The following ANTXR1 variants were observed in gnomAD, a reference collection of about 807,000 sequenced individuals.
ANTXR1 encodes ANTXR cell adhesion molecule 1, also known as anthrax toxin receptor 1.
In ANTXR1, 19 loss-of-function variants were observed where a neutral mutation model predicts 78.1. The ratio of observed to expected loss-of-function variants is 0.24; its 90% confidence interval spans 0.17 to 0.36. The LOEUF is 0.36. Among genes scored for constraint, ANTXR1 ranks in the 10% least tolerant of loss-of-function variants. ANTXR1 has a pLI of 1.00. For synonymous variants in ANTXR1, 273 were observed against 260.5 expected (o/e 1.05, Z -0.46); for missense variants, 518 against 718.6 (o/e 0.72, Z 3.19).
intron 17 of ANTXR1, among the ~76,000 whole-genome samples, chr2:69,197,137 C>T (rs1275612495): frequency 1.3e-5 from 2 of 152,204 alleles, no homozygotes; most frequent in Non-Finnish European, 2.9e-5. Flanking sequence ...TCCCATTGTT[C>T]CTTGGAGCCC....
At chr2:69,077,513 C>CTAGA in intron 8 of ANTXR1, 25 bp downstream of exon 8, 1 of 1,612,768 alleles carries the variant, frequency 6.2e-7, no homozygotes, top group Non-Finnish European at 8.5e-7. Flanking sequence ...TCCTCTGAGA[C>CTAGA]TAGACATTCA....
At position 69,013,373 on chromosome 2, in the gene ANTXR1, T is replaced by C; in HGVS notation, c.-127T>C. On this transcript the variant is annotated 5_prime_UTR_variant, in exon 1 of 18. Transcript: ENST00000303714. The surrounding 1 kb of genome is among the most constrained non-coding windows in gnomAD (Gnocchi z 5.0). ...CCTCCAGACAATTGCTTCCGGGGAG[T>C]TGCGAGGGAGCGAGGGGGAATAAAG... 3.0e-6 allele frequency: 4 copies of C among 1,312,052 alleles called. No homozygotes were observed. Among genetic ancestry groups the C allele is most frequent in the Non-Finnish European group, 4.3e-6 (4 of 940,714 alleles). 81.3% of individuals were successfully genotyped at this position (1,312,052 alleles called of 1,614,324 possible).
chr2:69,133,185 C>T (rs1469547674), intron 12 of ANTXR1, among the ~76,000 whole-genome samples: 1 of 152,154 alleles, frequency 6.6e-6, no homozygotes, highest in East Asian at 1.9e-4. Flanking sequence ...TTAGCTCAGT[C>T]CCAAAACTCT....
chr2:69,018,102 A>G (rs6729606), intron 1 of ANTXR1, among the ~76,000 whole-genome samples: 34,214 of 151,846 alleles, frequency 0.23, 6,193 homozygotes, highest in African/African-American at 0.51. Context: ...GTGGTCTGGA[A>G]GGCAGGAGTA....
Position 69,208,292 on chromosome 2 carries a change from C to G in ANTXR1, c.1434+14877C>G, listed in dbSNP as rs1311592581. Among the ~76,000 whole-genome samples the G allele has an allele frequency of 2.6e-5, 4 of 152,178 alleles. No individual in the cohort carries two copies. In the East Asian group the frequency reaches 7.7e-4, roughly 29 times the overall value. On this transcript the variant is annotated intron_variant, in intron 17 of 17. Coordinates refer to ENST00000303714, the MANE Select transcript of ANTXR1 (RefSeq NM_032208.3). ...ATTGTGGCCTCCCTTCTTACCCCCACAAGTAGCAAAAGATGTTTTTAGATC... is the reference window on the plus strand; with the variant it reads ...ATTGTGGCCTCCCTTCTTACCCCCAGAAGTAGCAAAAGATGTTTTTAGATC...
intron 12 of ANTXR1, chr2:69,146,497 G>A (rs1292865353): frequency 1.5e-6 from 1 of 665,394 alleles, no homozygotes; most frequent in African/African-American, 2.0e-5. Context: ...CTTTTTCAAA[G>A]GTTTGTGGTG....
intron 17 of ANTXR1, among the ~76,000 whole-genome samples, chr2:69,206,233 C>A (rs1674897924): frequency 6.6e-6 from 1 of 152,228 alleles, no homozygotes; most frequent in African/African-American, 2.4e-5. Flanking sequence ...TCAATTACTG[C>A]AACACCTATG....
At chr2:69,123,649 G>A (rs1185929064) in intron 11 of ANTXR1, among the ~76,000 whole-genome samples, 1 of 152,158 alleles carries the variant, frequency 6.6e-6, no homozygotes, top group Non-Finnish European at 1.5e-5. Context: ...ACCCAGACCG[G>A]AAAAAATTCC....
At chr2:69,070,567 G>T in intron 3 of ANTXR1, 80 bp from the exon 4 acceptor site, 1 of 1,316,124 alleles carries the variant, frequency 7.6e-7, no homozygotes, top group Non-Finnish European at 1.1e-6. Context: ...ACAGAGGTAA[G>T]AAGAAGACTA....
chr2:69,146,536 G>A (rs1673229975), intron 12 of ANTXR1: 1 of 360,234 alleles, frequency 2.8e-6, no homozygotes, highest in Non-Finnish European at 3.9e-6. Flanking sequence ...CCTGGTAAGG[G>A]CAGGTGGCAC....
chr2:69,146,094 C>T (rs973536844), intron 12 of ANTXR1: 18 of 985,314 alleles, frequency 1.8e-5, no homozygotes, highest in South Asian at 4.7e-5. Context: ...GACACATGCC[C>T]GAATGAAGGA....
chr2:69,216,430 TAC>T lies in ANTXR1; in HGVS notation c.1434+23021_1434+23022del, dbSNP rs369334226. On this transcript the variant is annotated intron_variant, in intron 17 of 17. Coordinates refer to ENST00000303714, the MANE Select transcript of ANTXR1 (RefSeq NM_032208.3). ...ATACACACATGCATATACATACATA[TAC>T]ACACATACATATATGTATATACACA... Among the ~76,000 whole-genome samples the T allele has an allele frequency of 5.1e-3, 781 of 152,224 alleles. 5 individuals carry two copies. The highest frequency in any genetic ancestry group is 0.017 in the African/African-American group (724 of 41,520).
intron 9 of ANTXR1, among the ~76,000 whole-genome samples, chr2:69,096,534 A>G (rs1041982789): frequency 6.6e-6 from 1 of 151,854 alleles, no homozygotes; most frequent in Non-Finnish European, 1.5e-5. Flanking sequence ...AAGGAATCCA[A>G]TCACTGCACT....
intron 17 of ANTXR1, among the ~76,000 whole-genome samples, chr2:69,215,036 C>T (rs1284213549): frequency 6.6e-6 from 1 of 152,174 alleles, no homozygotes; most frequent in Non-Finnish European, 1.5e-5. Flanking sequence ...ACATCTGGTC[C>T]ACAAGAAAGA....
chr2:69,182,273 A>G (rs1674294829), intron 15 of ANTXR1, among the ~76,000 whole-genome samples: 1 of 152,134 alleles, frequency 6.6e-6, no homozygotes. Flanking sequence ...TGCCTGGACA[A>G]TTCCTCCCTA....
intron 10 of ANTXR1, among the ~76,000 whole-genome samples, chr2:69,117,903 T>A (rs755369374): frequency 1.3e-5 from 2 of 152,170 alleles, no homozygotes; most frequent in Non-Finnish European, 2.9e-5. Context: ...GGTATGCAGC[T>A]TGAGGGATGC....
At chr2:69,084,103 A>G (rs1423654143) in intron 8 of ANTXR1, among the ~76,000 whole-genome samples, 1 of 152,130 alleles carries the variant, frequency 6.6e-6, no homozygotes, top group Non-Finnish European at 1.5e-5. Flanking sequence ...CCCTCCTCCT[A>G]TATTGAGGAA....
intron 12 of ANTXR1, among the ~76,000 whole-genome samples, chr2:69,138,653 C>T (rs529921961): frequency 6.6e-5 from 10 of 152,272 alleles, no homozygotes; most frequent in African/African-American, 1.4e-4. Flanking sequence ...CAGCCACAAA[C>T]GATACATAAC....
chr2:69,147,865 C>T (rs1399415920), intron 12 of ANTXR1, among the ~76,000 whole-genome samples: 1 of 152,056 alleles, frequency 6.6e-6, no homozygotes, highest in African/African-American at 2.4e-5. Context: ...GCTGTTTTAC[C>T]GAGGCTCACT....
Sources: allele counts gnomAD v4.1 joint callset (sites outside exome capture counted in the v4.1 genomes callset), GRCh38; gene constraint gnomAD v4.1.1; non-coding constraint Gnocchi (gnomAD v3.1); transcripts MANE v1.5; gene names NCBI Gene and HGNC (gene_info 2026-07-23, HGNC 2026-07-21).